The following ARK2N variants were observed in gnomAD, a reference collection of about 807,000 sequenced individuals.
ARK2N encodes arkadia (RNF111) N-terminal like PKA signaling regulator 2N.
chr18:46,251,414 A>G, the ARK2N span, among the ~76,000 whole-genome samples: 109,886 of 152,028 alleles, frequency 0.72, 39,871 homozygotes, highest in Middle Eastern at 0.76. Flanking sequence ...CACCTTTTGT[A>G]TGCTTATAGG....
chr18:46,181,752 C>G, the ARK2N span, among the ~76,000 whole-genome samples: 1 of 152,046 alleles, frequency 6.6e-6, no homozygotes, highest in Non-Finnish European at 1.5e-5. Context: ...CTTGGGTAGT[C>G]TAGAAATTAA....
the ARK2N span, among the ~76,000 whole-genome samples, chr18:46,188,271 G>T: frequency 6.6e-6 from 1 of 152,080 alleles, no homozygotes; most frequent in South Asian, 2.1e-4. Context: ...CACGATCTTG[G>T]CTCACTGCAA....
chr18:46,259,694 C>T, the ARK2N span, among the ~76,000 whole-genome samples: 13 of 151,028 alleles, frequency 8.6e-5, no homozygotes, highest in African/African-American at 2.9e-4. Context: ...CAGCCTCGAC[C>T]GCCAAGGCTC....
chr18:46,187,120 C>G, the ARK2N span, among the ~76,000 whole-genome samples: 3 of 151,588 alleles, frequency 2.0e-5, no homozygotes, highest in Admixed American at 1.3e-4. Flanking sequence ...TCCCAAAGTG[C>G]TGGGATTACA....
the ARK2N span, among the ~76,000 whole-genome samples, chr18:46,246,958 AT>A: frequency 6.6e-6 from 1 of 151,872 alleles, no homozygotes; most frequent in South Asian, 2.1e-4. Context: ...AAAAAAAAAA[AT>A]AGCAGACCCC....
chr18:46,188,557 G>A, the ARK2N span, among the ~76,000 whole-genome samples: 289 of 152,068 alleles, frequency 1.9e-3, 2 homozygotes, highest in Middle Eastern at 0.02. Flanking sequence ...TGTTGCCTAC[G>A]CTGGTCTCGA....
At chr18:46,227,327 C>T in the ARK2N span, among the ~76,000 whole-genome samples, 6 of 152,120 alleles carry the variant, frequency 3.9e-5, no homozygotes, top group East Asian at 1.2e-3. Flanking sequence ...GAAAAAATGT[C>T]ACCACTTTGT....
the ARK2N span, among the ~76,000 whole-genome samples, chr18:46,190,931 G>GT: frequency 1.6e-4 from 25 of 152,058 alleles, no homozygotes; most frequent in South Asian, 3.9e-3. Context: ...ATCATCTGTG[G>GT]TTTTTTTTAA....
At chr18:46,217,953 A>T in the ARK2N span, 1 of 152,140 alleles carries the variant, frequency 6.6e-6, no homozygotes, top group Non-Finnish European at 1.5e-5. Flanking sequence ...TTTTAAAAAA[A>T]CCTTATTAAT....
At chr18:46,183,509 C>T in the ARK2N span, among the ~76,000 whole-genome samples, 1 of 152,010 alleles carries the variant, frequency 6.6e-6, no homozygotes, top group African/African-American at 2.4e-5. Context: ...TGATCGTTGC[C>T]CAGTTGTGTT....
At chr18:46,174,993 G>C in the ARK2N span, among the ~76,000 whole-genome samples, 1 of 152,202 alleles carries the variant, frequency 6.6e-6, no homozygotes, top group Non-Finnish European at 1.5e-5. Flanking sequence ...CTCCAAAATA[G>C]ACCGCTTCTG....
the ARK2N span, among the ~76,000 whole-genome samples, chr18:46,199,553 C>G: frequency 2.7e-5 from 4 of 146,806 alleles, no homozygotes; most frequent in Non-Finnish European, 5.9e-5. Flanking sequence ...TCTTGAACTC[C>G]TGACCTCAAG....
the ARK2N span, among the ~76,000 whole-genome samples, chr18:46,257,666 A>ATT: frequency 7.5e-4 from 112 of 149,304 alleles, no homozygotes; most frequent in East Asian, 7.7e-3. Context: ...CAGGCCAATA[A>ATT]TTTTTTTTTT....
chr18:46,194,466 G>GTTT, the ARK2N span, among the ~76,000 whole-genome samples: 5 of 137,972 alleles, frequency 3.6e-5, no homozygotes, highest in East Asian at 6.4e-4. Flanking sequence ...TCTTTTTTTT[G>GTTT]TTTTTTTTTT....
At chr18:46,249,366 A>G in the ARK2N span, among the ~76,000 whole-genome samples, 32 of 152,052 alleles carry the variant, frequency 2.1e-4, no homozygotes, top group South Asian at 4.1e-4. Flanking sequence ...AGCAGCTGGG[A>G]CTACAGGCGC....
chr18:46,193,377 C>T, the ARK2N span, among the ~76,000 whole-genome samples: 1 of 151,774 alleles, frequency 6.6e-6, no homozygotes, highest in Admixed American at 6.6e-5. Flanking sequence ...GCAACCTCCA[C>T]CTCCAGGGTT....
the ARK2N span, among the ~76,000 whole-genome samples, chr18:46,252,730 A>G: frequency 6.6e-6 from 1 of 152,072 alleles, no homozygotes; most frequent in African/African-American, 2.4e-5. Flanking sequence ...TTCTATGTTA[A>G]CTCCTAGGTA....
At chr18:46,197,876 T>C in the ARK2N span, among the ~76,000 whole-genome samples, 1 of 152,216 alleles carries the variant, frequency 6.6e-6, no homozygotes, top group Admixed American at 6.5e-5. Context: ...CTTTTATATT[T>C]TCCATCTCAT....
the ARK2N span, among the ~76,000 whole-genome samples, chr18:46,188,637 A>G: frequency 6.6e-6 from 1 of 152,190 alleles, no homozygotes. Flanking sequence ...GTGAGCCACC[A>G]TGCCTGGCAA....
Sources: allele counts gnomAD v4.1 joint callset (sites outside exome capture counted in the v4.1 genomes callset), GRCh38; gene constraint gnomAD v4.1.1; transcripts MANE v1.5; gene names NCBI Gene and HGNC (gene_info 2026-07-23, HGNC 2026-07-21).